Variants in GALNS observed in about 807,000 individuals in gnomAD.
The protein encoded by GALNS is N-acetylgalactosamine-6-sulfatase.
In GALNS, 65 loss-of-function variants were observed where a neutral mutation model predicts 65.9. The ratio of observed to expected loss-of-function variants is 0.99; its 90% CI spans 0.81 to 1.21. GALNS has a LOEUF of 1.21. Ranked by LOEUF, GALNS falls within the 50% of genes most tolerant of loss-of-function variation. GALNS has a pLI of 0.00. For missense variants in GALNS, 776 were observed against 700.7 expected (o/e 1.11, Z -1.21); for synonymous variants, 346 against 288.9 (o/e 1.20, Z -2.00).
At chr16:88,833,174 G>A (rs1911699890) in intron 8 of GALNS, among the ~76,000 whole-genome samples, 1 of 151,890 alleles carries the variant, frequency 6.6e-6, no homozygotes, top group African/African-American at 2.4e-5. Flanking sequence ...TTCCTGCGCT[G>A]CCATCCAACC....
At chr16:88,835,604 TG>T in intron 7 of GALNS, 120 bp downstream of exon 7, 1 of 1,472,858 alleles carries the variant, frequency 6.8e-7, no homozygotes, top group Non-Finnish European at 9.4e-7. Context: ...TTCAAAGGGG[TG>T]GGGTTGCTCT....
At chr16:88,848,591 G>C (rs1967360744) in intron 1 of GALNS, among the ~76,000 whole-genome samples, 1 of 147,730 alleles carries the variant, frequency 6.8e-6, no homozygotes, top group Non-Finnish European at 1.5e-5. Flanking sequence ...AAAAAAGGAA[G>C]TGCGGGCATC....
At position 88,851,563 on chromosome 16, in the gene GALNS, C is replaced by T. The variant is rs112935203; in HGVS notation, c.120+5195G>A. Among the ~76,000 whole-genome samples the T allele has an allele frequency of 3.6e-3, 545 of 152,296 alleles. 2 individuals are homozygous for T. Among genetic ancestry groups the T allele is most frequent in the African/African-American group, 0.012 (510 of 41,562 alleles). Reference sequence around the variant, plus strand: ...GCCGAAGCAGGGTGGGGCATCGCCTCACTCAGGAAGTGCGAGGGGTTGGGG... The same window carrying T: ...GCCGAAGCAGGGTGGGGCATCGCCTTACTCAGGAAGTGCGAGGGGTTGGGG... On this transcript the variant is annotated intron_variant, in intron 1 of 13. Coordinates refer to ENST00000268695, the MANE Select transcript of GALNS (RefSeq NM_000512.5).
At position 88,818,134 on chromosome 16, in the gene GALNS, G is replaced by A. The variant is rs578010647; in HGVS notation, c.1365-10C>T. ...CTCGGCGCTGGCAAAGCTGGGGACAGAGAGCTCTGGTCACACGGCTGGGGC... is the reference window on the plus strand; with the variant it reads ...CTCGGCGCTGGCAAAGCTGGGGACAAAGAGCTCTGGTCACACGGCTGGGGC... On this transcript the variant is annotated splice_polypyrimidine_tract_variant and intron_variant, in intron 12 of 13. Transcript: ENST00000268695. 6.1e-5 allele frequency: 95 copies of A among 1,568,118 alleles called. 3 individuals carry two copies. In the South Asian group the frequency reaches 1.0e-3, roughly 17 times the overall value.
At chr16:88,816,799 G>A in intron 13 of GALNS, 2 of 985,490 alleles carry the variant, frequency 2.0e-6, no homozygotes, top group Non-Finnish European at 2.4e-6. Context: ...CTTCAGCTGG[G>A]CCTTTTCGCC....
chr16:88,855,546 G>C, intron 1 of GALNS: 1 of 700,902 alleles, frequency 1.4e-6, no homozygotes, highest in Non-Finnish European at 2.6e-6. Flanking sequence ...AGACATATGA[G>C]ATGGAAAAGC....
rs1288895691 is a variant in GALNS, at chr16:88,837,763, T to G, written c.425A>C (p.His142Pro). The change falls in exon 5 of 14, where the codon CAT becomes CCT. Residue 142 changes from histidine (H) to proline (P), a missense_variant and splice_region_variant. Coordinates refer to ENST00000268695, the MANE Select transcript of GALNS (RefSeq NM_000512.5). ...GYVSKIVGKW[H>P]LGHRPQFHPL... ...GTGGAACTGGGGCCTGTGACCCAGA[T>G]GCCTGGAAACAGGAACCCAGGACAC... The G allele has an allele frequency of 6.2e-7, 1 of 1,613,962 alleles. No individual in the cohort carries two copies. The highest frequency in any genetic ancestry group is 2.2e-5 in the East Asian group (1 of 44,880).
In GALNS at chr16:88,843,636, C is replaced by T. The variant is rs7206240; in HGVS notation, c.121-807G>A. On this transcript the variant is annotated intron_variant, in intron 1 of 13. Transcript: ENST00000268695. The stretch of plus-strand genomic sequence containing the variant: ...GGCCGAGGCCGAGACTGGAGTGACG[C>T]AGCCACCAGCCAGGGGACAGCAAGG... The T allele has an allele frequency of 4.3e-3, 761 of 177,742 alleles. 6 individuals are homozygous for T. The highest frequency in any genetic ancestry group is 0.017 in the African/African-American group (706 of 42,664). 11.0% of individuals were successfully genotyped at this position (177,742 alleles called of 1,614,324 possible). A position where few individuals can be genotyped will look rare whatever the true frequency, so the allele number is the denominator to read the frequency against.
intron 4 of GALNS, chr16:88,840,697 A>C: frequency 2.2e-6 from 1 of 454,208 alleles, no homozygotes; most frequent in Non-Finnish European, 4.1e-6. Flanking sequence ...GCCGGGGGGC[A>C]GTGGTGGCGG....
At chr16:88,816,180 C>G (rs1909603781) in intron 13 of GALNS, 1 of 985,320 alleles carries the variant, frequency 1.0e-6, no homozygotes, top group Admixed American at 6.1e-5. Flanking sequence ...TCCCCCAGTG[C>G]CCAGGAGATG....
intron 1 of GALNS, chr16:88,856,046 G>A: frequency 4.7e-6 from 3 of 639,416 alleles, no homozygotes; most frequent in South Asian, 1.7e-5. Context: ...GGTCCTGCAC[G>A]GTGACCCATG....
chr16:88,836,165 C>G (rs377766826), intron 6 of GALNS, 36 bp downstream of exon 6: 2 of 1,595,016 alleles, frequency 1.3e-6, no homozygotes, highest in Non-Finnish European at 1.7e-6. Context: ...CGTCCCCATG[C>G]GTCCCACAGG....
chr16:88,853,413 G>A (rs750864868), intron 1 of GALNS, among the ~76,000 whole-genome samples: 2 of 152,150 alleles, frequency 1.3e-5, no homozygotes, highest in Non-Finnish European at 2.9e-5. Flanking sequence ...TTATGAAGAC[G>A]AGCAGGCCAG....
In GALNS at chr16:88,853,727, A is replaced by G. The variant is rs139470510; in HGVS notation, c.120+3031T>C. Among the ~76,000 whole-genome samples, 692 of 152,298 alleles carry G rather than the reference A, an allele frequency of 4.5e-3. 3 individuals carry two copies. The highest frequency in any genetic ancestry group is 6.9e-3 in the Non-Finnish European group (466 of 68,018). On this transcript the variant is annotated intron_variant, in intron 1 of 13. Transcript: ENST00000268695. ...GCCACGCAGGTTTCCTCACTCACGC[A>G]GCAGGTGCCCAGGGTACTACGAAGC...
At chr16:88,818,765 T>C (rs1251754540) in intron 12 of GALNS, among the ~76,000 whole-genome samples, 1 of 152,258 alleles carries the variant, frequency 6.6e-6, no homozygotes, top group Admixed American at 6.5e-5. Context: ...CTTTTCACCA[T>C]TTTCAATCAC....
intron 9 of GALNS, 31 bp from the exon 10 acceptor site, chr16:88,826,869 C>G: frequency 6.4e-7 from 1 of 1,556,262 alleles, no homozygotes; most frequent in African/African-American, 1.4e-5. Flanking sequence ...ACGGTCAGGG[C>G]ACTCTGCACC....
chr16:88,856,401 G>A, intron 1 of GALNS: 2 of 701,660 alleles, frequency 2.9e-6, no homozygotes, highest in Non-Finnish European at 2.6e-6. Context: ...GTAGAGGGCG[G>A]GAAAGGTCAG....
At chr16:88,841,819 G>T in intron 3 of GALNS, 78 bp downstream of exon 3, 1 of 1,325,484 alleles carries the variant, frequency 7.5e-7, no homozygotes. Context: ...CCGAGTCCCG[G>T]AGACACGGGC....
At chr16:88,846,074 C>T (rs1174764814) in intron 1 of GALNS, among the ~76,000 whole-genome samples, 1 of 152,160 alleles carries the variant, frequency 6.6e-6, no homozygotes, top group Non-Finnish European at 1.5e-5. Flanking sequence ...TATGTATAAC[C>T]CATTATGCCA....
Sources: gnomAD v4.1 joint callset for allele counts (sites outside exome capture counted in the v4.1 genomes callset) on GRCh38, gnomAD v4.1.1 for gene constraint, MANE v1.5 for transcripts, NCBI Gene and HGNC (gene_info 2026-07-23, HGNC 2026-07-21) for gene names.